The following NDRG4 variants were observed in gnomAD, a reference collection of about 807,000 sequenced individuals.
NDRG4 encodes the protein NDRG family member 4.
Under a neutral mutation model 55.8 loss-of-function variants are expected in NDRG4, and 38 were observed. The ratio of observed to expected loss-of-function variants is 0.68; its 90% CI spans 0.53 to 0.89. The LOEUF (loss-of-function observed/expected upper bound fraction) is 0.89. Ranked by LOEUF, NDRG4 falls within the 40% of genes least tolerant of loss-of-function variation. The probability of loss-of-function intolerance (pLI) is 0.00; values close to 1 mark genes in which losing one functional copy is unlikely to be tolerated. For missense variants in NDRG4, 455 were observed against 468.6 expected (o/e 0.97, Z 0.27); for synonymous variants, 190 against 182.7 (o/e 1.04, Z -0.32).
rs1056233843 is a variant in NDRG4, at chr16:58,472,863, C to T, written c.-24+9066C>T. On this transcript the variant is annotated intron_variant, in intron 1 of 15. Coordinates refer to the NDRG4 transcript ENST00000258187. Reference sequence around the variant, plus strand: ...GGATTCCAGTAAAGGCCTTCGAGACCGGGCCCAGGGCTCGGTCCACTTGGT... The same window carrying T: ...GGATTCCAGTAAAGGCCTTCGAGACTGGGCCCAGGGCTCGGTCCACTTGGT... 3.3e-5 allele frequency among the ~76,000 whole-genome samples: 5 copies of T among 152,054 alleles called. No individual in the cohort carries two copies. The East Asian group carries it at 5.8e-4, about 18-fold the overall frequency.
In NDRG4 at chr16:58,487,677, C is replaced by T. The variant is rs1325367725; in HGVS notation, c.-23-79C>T. Reference sequence around the variant, plus strand: ...GTGCATCTGGTTTCCGCGCTCCCGCCCCAGCCCCGACTTGCGCTGTCCTTC... The same window carrying T: ...GTGCATCTGGTTTCCGCGCTCCCGCTCCAGCCCCGACTTGCGCTGTCCTTC... On this transcript the variant is annotated intron_variant, in intron 1 of 15. Transcript: ENST00000258187. The T allele has an allele frequency of 5.7e-6, 7 of 1,219,372 alleles. No homozygotes were observed. The African/African-American group carries it at 1.1e-4, about 18-fold the overall frequency. The allele number at this position is 1,219,372 out of a possible 1,614,324, so 75.5% of individuals were successfully genotyped here. A position where few individuals can be genotyped will look rare whatever the true frequency, so the allele number is the denominator to read the frequency against.
chr16:58,464,310 G>C lies in NDRG4; in HGVS notation c.-24+513G>C. On this transcript the variant is annotated intron_variant, in intron 1 of 15. Coordinates refer to the NDRG4 transcript ENST00000258187. The surrounding 1 kb of genome is among the most constrained non-coding windows in gnomAD (Gnocchi z 4.8). The stretch of plus-strand genomic sequence containing the variant: ...GCGCTCCTGGCTGTGAGCTGCTCCT[G>C]CCGCTTCGCTCCGCGCTCTCCTGCC... The C allele has an allele frequency of 1.2e-6, 1 of 842,100 alleles. No individual in the cohort carries two copies. The highest frequency in any genetic ancestry group is 1.6e-6 in the Non-Finnish European group (1 of 610,460). 52.2% of individuals were successfully genotyped at this position (842,100 alleles called of 1,614,324 possible). A position where few individuals can be genotyped will look rare whatever the true frequency, so the allele number is the denominator to read the frequency against.
intron 5 of NDRG4, among the ~76,000 whole-genome samples, chr16:58,505,708 ATTTTCTTTTT>A (rs1294361907): frequency 4.2e-5 from 3 of 70,624 alleles, no homozygotes; most frequent in African/African-American, 6.2e-5. Context: ...TGAGGGCTTC[ATTTTCTTTTT>A]TTTTTTTTTT....
intron 1 of NDRG4, among the ~76,000 whole-genome samples, chr16:58,470,744 T>C (rs926923759): frequency 1.3e-5 from 2 of 151,842 alleles, no homozygotes; most frequent in African/African-American, 4.8e-5. Flanking sequence ...CCATCTCTGC[T>C]AAAAATACAA....
intron 4 of NDRG4, 24 bp downstream of exon 4, chr16:58,504,445 G>A (rs777782764): frequency 1.2e-5 from 19 of 1,612,408 alleles, no homozygotes; most frequent in East Asian, 4.5e-5. Context: ...CAGCCCCTGC[G>A]CTAGGGCCCA....
intron 1 of NDRG4, among the ~76,000 whole-genome samples, chr16:58,478,927 A>G (rs1428816817): frequency 4.6e-5 from 7 of 152,054 alleles, no homozygotes; most frequent in African/African-American, 1.4e-4. Context: ...CCTTCCTCAG[A>G]GAGAAGCATT....
intron 14 of NDRG4, chr16:58,511,172 AC>A: frequency 3.8e-6 from 2 of 533,024 alleles, no homozygotes; most frequent in African/African-American, 3.8e-5. Context: ...ACGGCTGGAA[AC>A]CCAGCACCTC....
At chr16:58,498,984 C>T (rs2036724686), upstream of NDRG4, among the ~76,000 whole-genome samples, 1 of 152,162 alleles carries the variant, frequency 6.6e-6, no homozygotes, top group Non-Finnish European at 1.5e-5. Context: ...TACATATAAT[C>T]TTCATGGATT....
rs1049080279 is a variant in NDRG4, at chr16:58,464,299, G to C, written c.-24+502G>C. 1.4e-6 allele frequency: 1 copy of C among 719,860 alleles called. No individual in the cohort carries two copies. The highest frequency in any genetic ancestry group is 2.0e-6 in the Non-Finnish European group (1 of 503,076). The allele number at this position is 719,860 out of a possible 1,614,324, so 44.6% of individuals were successfully genotyped here. A position where few individuals can be genotyped will look rare whatever the true frequency, so the allele number is the denominator to read the frequency against. ...GGGGCGGGAGAGCGCTCCTGGCTGTGAGCTGCTCCTGCCGCTTCGCTCCGC... is the reference window on the plus strand; with the variant it reads ...GGGGCGGGAGAGCGCTCCTGGCTGTCAGCTGCTCCTGCCGCTTCGCTCCGC... On this transcript the variant is annotated intron_variant, in intron 1 of 15. Coordinates refer to the NDRG4 transcript ENST00000258187. The surrounding 1 kb of genome is among the most constrained non-coding windows in gnomAD (Gnocchi z 4.8).
intron 1 of NDRG4, among the ~76,000 whole-genome samples, chr16:58,485,747 C>G (rs975599322): frequency 2.6e-5 from 4 of 152,238 alleles, no homozygotes; most frequent in Middle Eastern, 6.8e-3. Flanking sequence ...AGCCGGGACT[C>G]CAGCATGGCA....
chr16:58,502,035 T>G (rs2037219249), intron 1 of NDRG4: 1 of 455,622 alleles, frequency 2.2e-6, no homozygotes, highest in African/African-American at 2.0e-5. Context: ...GGTCAGGAGC[T>G]CCCTCGGGTG....
chr16:58,494,339 G>A (rs2151730729), intron 2 of NDRG4, among the ~76,000 whole-genome samples: 1 of 152,320 alleles, frequency 6.6e-6, no homozygotes, highest in South Asian at 2.1e-4. Context: ...CCCCCTCACT[G>A]TGTGGGCCTC....
At chr16:58,495,415 C>T (rs765839347), upstream of NDRG4, 1 of 190,806 alleles carries the variant, frequency 5.2e-6, no homozygotes, top group Non-Finnish European at 1.1e-5. Context: ...CCAGTCGTTT[C>T]TCCCCTCTGA....
chr16:58,488,964 T>G (rs1387315732), intron 2 of NDRG4, among the ~76,000 whole-genome samples: 5 of 152,132 alleles, frequency 3.3e-5, no homozygotes, highest in African/African-American at 7.2e-5. Context: ...GAAGCCTCCT[T>G]GCTGGTCTTT....
At position 58,492,545 on chromosome 16, in the gene NDRG4, TGTGTGTGA is replaced by T. The variant is rs1178030350; in HGVS notation, c.73-2417_73-2410del. ...GTGTGTGTGTGTGTGTGTGTGTGTG[TGTGTGTGA>T]GAGACAGACAGACAGTCTCGCCCTG... is the stretch of plus-strand genomic sequence containing the variant. On this transcript the variant is annotated intron_variant, in intron 2 of 15. Transcript: ENST00000258187. 6.0e-3 allele frequency among the ~76,000 whole-genome samples: 257 copies of T among 42,722 alleles called. 2 individuals carry two copies. Among genetic ancestry groups the T allele is most frequent in the Admixed American group, 0.015 (62 of 4,152 alleles). The allele number at this position is 42,722 out of a possible 152,430, so 28.0% of individuals were successfully genotyped here.
intron 1 of NDRG4, among the ~76,000 whole-genome samples, chr16:58,483,210 T>C (rs2034680004): frequency 6.6e-6 from 1 of 152,138 alleles, no homozygotes; most frequent in Non-Finnish European, 1.5e-5. Flanking sequence ...ATTTATGGGA[T>C]AGTTCCAGGA....
chr16:58,504,710 G>A (rs767919844), intron 5 of NDRG4, 61 bp downstream of exon 5: 1 of 1,583,864 alleles, frequency 6.3e-7, no homozygotes, highest in South Asian at 1.1e-5. Flanking sequence ...TGTCCCAGTG[G>A]TGGGGACTGG....
intron 1 of NDRG4, among the ~76,000 whole-genome samples, chr16:58,478,785 G>A (rs1295056673): frequency 1.3e-5 from 2 of 149,300 alleles, no homozygotes; most frequent in African/African-American, 4.9e-5. Flanking sequence ...CATTTAACTG[G>A]CAGTGGTTTT....
chr16:58,499,911 A>T, upstream of NDRG4: 1 of 451,180 alleles, frequency 2.2e-6, no homozygotes, highest in Non-Finnish European at 4.1e-6. Context: ...GGGCGGATGC[A>T]GGGGCTGGGG....
Sources: allele counts gnomAD v4.1 joint callset (sites outside exome capture counted in the v4.1 genomes callset), GRCh38; gene constraint gnomAD v4.1.1; non-coding constraint Gnocchi (gnomAD v3.1); transcripts MANE v1.5; gene names NCBI Gene and HGNC (gene_info 2026-07-23, HGNC 2026-07-21).